PRKCB: variants seen among roughly 807,000 people sequenced by gnomAD.
PRKCB encodes the protein protein kinase C beta type.
Under a neutral mutation model 81.5 loss-of-function variants are expected in PRKCB, and 13 were observed. The ratio of observed to expected loss-of-function variants is 0.16; its 90% CI spans 0.10 to 0.25. PRKCB has a LOEUF of 0.25. PRKCB is among the 10% of genes least tolerant of loss of function. PRKCB has a pLI of 1.00. For synonymous variants in PRKCB, 335 were observed against 321.4 expected, an observed-to-expected ratio of 1.04 and a Z score of -0.45; for missense variants, 509 against 875.7, an observed-to-expected ratio of 0.58 and a Z score of 5.29.
At chr16:24,096,666 A>ATAT (rs1555496499) in intron 7 of PRKCB, among the ~76,000 whole-genome samples, 67 of 32,524 alleles carry the variant, frequency 2.1e-3, no homozygotes, top group South Asian at 4.6e-3. Context: ...AAAAAAAAAA[A>ATAT]ATATATATAT....
chr16:24,094,352 G>C, intron 7 of PRKCB, 55 bp downstream of exon 7: 1 of 1,577,962 alleles, frequency 6.3e-7, no homozygotes, highest in South Asian at 1.2e-5. Context: ...TCAAACGCGG[G>C]GTCAAGTATG....
chr16:24,001,291 T>G (rs981808115), intron 3 of PRKCB, among the ~76,000 whole-genome samples: 9 of 152,218 alleles, frequency 5.9e-5, no homozygotes, highest in African/African-American at 2.2e-4. Context: ...TTCTTATGAT[T>G]TATAGTCAAG....
intron 3 of PRKCB, among the ~76,000 whole-genome samples, chr16:24,026,040 T>C (rs1336135583): frequency 6.6e-6 from 1 of 152,214 alleles, no homozygotes; most frequent in African/African-American, 2.4e-5. Context: ...TTCACACCTG[T>C]AATCCTAGTA....
intron 5 of PRKCB, among the ~76,000 whole-genome samples, chr16:24,064,578 G>A (rs1042021348): frequency 6.6e-6 from 1 of 152,152 alleles, no homozygotes; most frequent in Non-Finnish European, 1.5e-5. Context: ...TATTGTGTGT[G>A]TGTAAATTAG....
chr16:24,003,776 T>TC (rs1456288282), intron 3 of PRKCB, among the ~76,000 whole-genome samples: 1 of 152,348 alleles, frequency 6.6e-6, no homozygotes, highest in East Asian at 1.9e-4. Context: ...ACCTCAGACC[T>TC]GGATCCCATG....
intron 3 of PRKCB, among the ~76,000 whole-genome samples, chr16:24,012,222 C>T (rs1389909481): frequency 1.3e-5 from 2 of 152,244 alleles, no homozygotes; most frequent in Non-Finnish European, 2.9e-5. Flanking sequence ...TAGCACCTAT[C>T]ATATGCCACG....
At chr16:24,062,594 G>C (rs1202349349) in intron 5 of PRKCB, among the ~76,000 whole-genome samples, 2 of 152,316 alleles carry the variant, frequency 1.3e-5, no homozygotes, top group East Asian at 3.9e-4. Flanking sequence ...CTGAGAACCA[G>C]AGAGGTTGAG....
At chr16:24,150,592 C>CGA (rs1158028903) in intron 9 of PRKCB, among the ~76,000 whole-genome samples, 17 of 152,152 alleles carry the variant, frequency 1.1e-4, no homozygotes, top group Non-Finnish European at 1.9e-4. Flanking sequence ...GTTTTCATTT[C>CGA]CAAATTAAAC....
At chr16:24,085,325 A>G (rs772672896) in intron 5 of PRKCB, among the ~76,000 whole-genome samples, 5 of 151,976 alleles carry the variant, frequency 3.3e-5, no homozygotes, top group Non-Finnish European at 7.4e-5. Context: ...TTATTCTCAG[A>G]CCTCCTCCAA....
intron 2 of PRKCB, among the ~76,000 whole-genome samples, chr16:23,860,911 G>GA (rs950585789): frequency 6.6e-6 from 1 of 151,770 alleles, no homozygotes. Flanking sequence ...GTATAAAAAA[G>GA]AAAAAAATGT....
chr16:23,868,309 C>A (rs1037621193), intron 2 of PRKCB, among the ~76,000 whole-genome samples: 1 of 152,214 alleles, frequency 6.6e-6, no homozygotes, highest in Non-Finnish European at 1.5e-5. Context: ...AAATAAAACT[C>A]AGACTTAGAC....
At chr16:23,849,553 G>A (rs912690960) in intron 2 of PRKCB, among the ~76,000 whole-genome samples, 1 of 152,090 alleles carries the variant, frequency 6.6e-6, no homozygotes, top group Non-Finnish European at 1.5e-5. Flanking sequence ...TACATTTTGT[G>A]GCAAAATTTA....
Position 24,035,555 on chromosome 16 carries a change from G to A in PRKCB, c.529+8G>A, listed in dbSNP as rs1965604380. 6.4e-7 allele frequency: 1 copy of A among 1,572,996 alleles called. No homozygotes were observed. Among genetic ancestry groups the A allele is most frequent in the East Asian group, 2.4e-5 (1 of 41,150 alleles). ...ACGTCCTCATTGTCCTCGGTAGGTG[G>A]CCCTGGGGCTCCACTGGCTCCTGAC... On this transcript the variant is annotated splice_region_variant and intron_variant, in intron 5 of 16. Transcript: ENST00000643927.
At chr16:23,836,706 G>T (rs949866871) in intron 1 of PRKCB, among the ~76,000 whole-genome samples, 1 of 151,062 alleles carries the variant, frequency 6.6e-6, no homozygotes, top group Admixed American at 6.6e-5. Context: ...TCCGACCCGG[G>T]GTTCCCTATC....
intron 2 of PRKCB, among the ~76,000 whole-genome samples, chr16:23,954,737 C>T (rs1257394682): frequency 6.6e-6 from 1 of 152,158 alleles, no homozygotes; most frequent in South Asian, 2.1e-4. Flanking sequence ...AAATACTCAT[C>T]TCATAGGGTT....
chr16:24,144,258 A>G (rs1966954850), intron 9 of PRKCB, among the ~76,000 whole-genome samples: 1 of 152,130 alleles, frequency 6.6e-6, no homozygotes, highest in South Asian at 2.1e-4. Context: ...TATAAAGTAT[A>G]TATGCATACA....
intron 2 of PRKCB, among the ~76,000 whole-genome samples, chr16:23,948,959 G>C (rs1376620714): frequency 6.6e-6 from 1 of 152,158 alleles, no homozygotes. Context: ...GGTTTCATGA[G>C]ATCTACACCT....
chr16:24,080,389 G>A (rs1263910090), intron 5 of PRKCB, among the ~76,000 whole-genome samples: 2 of 152,158 alleles, frequency 1.3e-5, no homozygotes, highest in African/African-American at 2.4e-5. Flanking sequence ...CAAACAGCAC[G>A]GGGTTGTAGA....
In PRKCB at chr16:24,217,497, C is replaced by T. The variant is rs900445417; in HGVS notation, c.*2681C>T. ...GTTTTCACATGGCTTCAGATGCTAT[C>T]AACCTCAAAGAAATGATCTCAACAG... On this transcript the variant is annotated 3_prime_UTR_variant, in exon 17 of 17. Coordinates refer to ENST00000643927, the MANE Select transcript of PRKCB (RefSeq NM_002738.7). 37 of 985,302 alleles carry T rather than the reference C, an allele frequency of 3.8e-5. No homozygotes were observed. The highest frequency in any genetic ancestry group is 4.3e-5 in the Non-Finnish European group (36 of 829,952). 61.0% of individuals were successfully genotyped at this position (985,302 alleles called of 1,614,324 possible). A position where few individuals can be genotyped will look rare whatever the true frequency, so the allele number is the denominator to read the frequency against.
Sources: allele counts gnomAD v4.1 joint callset (sites outside exome capture counted in the v4.1 genomes callset), GRCh38; gene constraint gnomAD v4.1.1; transcripts MANE v1.5; gene names NCBI Gene and HGNC (gene_info 2026-07-23, HGNC 2026-07-21).